Variants in SYNJ1 observed in about 807,000 individuals in gnomAD.
SYNJ1 encodes the protein synaptojanin 1, also known as polyphosphatidylinositol phosphatase SYNJ1.
Under a neutral mutation model 168.2 loss-of-function variants are expected in SYNJ1, and 78 were observed. That is an observed-to-expected ratio of 0.46 (90% CI 0.39 to 0.56). The LOEUF is 0.56. SYNJ1 is among the 20% of genes least tolerant of loss of function. The pLI is 0.00. For missense variants in SYNJ1, 1,303 were observed against 1,597.6 expected, an observed-to-expected ratio of 0.82 and a Z score of 3.14; for synonymous variants, 539 against 548.6, an observed-to-expected ratio of 0.98 and a Z score of 0.24.
chr21:32,693,259 G>A (rs1601442789), intron 6 of SYNJ1, among the ~76,000 whole-genome samples: 1 of 152,088 alleles, frequency 6.6e-6, no homozygotes, highest in Non-Finnish European at 1.5e-5. Context: ...GAGAAGTGGG[G>A]TTCTGTTGGC....
chr21:32,696,297 G>A lies in SYNJ1; in HGVS notation c.480-1015C>T, dbSNP rs554272487. On this transcript the variant is annotated intron_variant, in intron 4 of 32. Transcript: ENST00000674351. Reference sequence around the variant, plus strand: ...CGCTCCAAATACTTTTAGCATTCTAGGTAACAGATGTGGCCTGGTTTCCAA... The same window carrying A: ...CGCTCCAAATACTTTTAGCATTCTAAGTAACAGATGTGGCCTGGTTTCCAA... Among the ~76,000 whole-genome samples the A allele has an allele frequency of 1.6e-3, 247 of 152,282 alleles. 1 individual carries two copies. The highest frequency in any genetic ancestry group is 6.9e-3 in the Admixed American group (106 of 15,302).
intron 2 of SYNJ1, among the ~76,000 whole-genome samples, chr21:32,704,892 G>A (rs1167188538): frequency 2.6e-5 from 4 of 152,098 alleles, no homozygotes; most frequent in African/African-American, 7.2e-5. Context: ...GCTCACGTCT[G>A]TAATCCCAGC....
chr21:32,670,172 C>T (rs752500634), intron 15 of SYNJ1, 116 bp downstream of exon 15: 8 of 762,240 alleles, frequency 1.0e-5, no homozygotes, highest in South Asian at 2.1e-5. Flanking sequence ...TACAGTTTTA[C>T]GAGCACCCTT....
At chr21:32,652,739 G>A (rs760852013) in intron 22 of SYNJ1, among the ~76,000 whole-genome samples, 212 of 152,272 alleles carry the variant, frequency 1.4e-3, no homozygotes, top group Non-Finnish European at 2.4e-3. Flanking sequence ...GTAAGTTTCC[G>A]TCATCAATGA....
chr21:32,718,810 A>G (rs1383294772), intron 2 of SYNJ1, among the ~76,000 whole-genome samples: 69 of 152,332 alleles, frequency 4.5e-4, no homozygotes, highest in Non-Finnish European at 8.8e-5. Flanking sequence ...TTCTCCTCTA[A>G]TATATTAATA....
intron 2 of SYNJ1, among the ~76,000 whole-genome samples, chr21:32,712,603 C>T (rs2042868003): frequency 6.6e-6 from 1 of 151,716 alleles, no homozygotes; most frequent in Admixed American, 6.6e-5. Context: ...GCCTACCATG[C>T]ACCAGGCCCC....
At chr21:32,677,279 T>A (rs2041449309) in intron 12 of SYNJ1, among the ~76,000 whole-genome samples, 5 of 152,184 alleles carry the variant, frequency 3.3e-5, no homozygotes. Context: ...ATTTACCTAG[T>A]GTTGCTTCCC....
intron 14 of SYNJ1, 64 bp from the exon 15 acceptor site, chr21:32,670,436 A>T: frequency 8.5e-7 from 1 of 1,176,670 alleles, no homozygotes; most frequent in Admixed American, 1.9e-5. Context: ...ACCCCATCCA[A>T]CACAACATAA....
rs1039926624 is a variant in SYNJ1, at chr21:32,664,029, C to T, written c.2304+884G>A. 1.8e-4 allele frequency among the ~76,000 whole-genome samples: 28 copies of T among 152,236 alleles called. 1 individual carries two copies. The highest frequency in any genetic ancestry group is 2.9e-4 in the African/African-American group (12 of 41,532). On this transcript the variant is annotated intron_variant, in intron 18 of 32. Transcript: ENST00000674351. ...GTGCAAGTGTGGCATGGATTTGATC[C>T]GGGGGCCATGTTTGAAAAATGGTTC...
chr21:32,631,523 A>T lies in SYNJ1; in HGVS notation c.*282T>A. The T allele has an allele frequency of 6.2e-7, 1 of 1,614,140 alleles. No homozygotes were observed. Among genetic ancestry groups the T allele is most frequent in the Non-Finnish European group, 8.5e-7 (1 of 1,180,000 alleles). On this transcript the variant is annotated 3_prime_UTR_variant, in exon 33 of 33. Transcript: ENST00000674351. The stretch of plus-strand genomic sequence containing the variant: ...TGAAAGGATTTGTCCTGGTCAAGCC[A>T]GTAATAAATGGGTTTGGAGAACTTC...
intron 2 of SYNJ1, among the ~76,000 whole-genome samples, chr21:32,720,849 T>C (rs1165111523): frequency 6.6e-6 from 1 of 152,254 alleles, no homozygotes; most frequent in East Asian, 1.9e-4. Flanking sequence ...TTTTCTTTAC[T>C]CCATCTTCTA....
intron 10 of SYNJ1, among the ~76,000 whole-genome samples, chr21:32,682,393 CTT>C (rs1379667577): frequency 6.6e-6 from 1 of 152,166 alleles, no homozygotes; most frequent in African/African-American, 2.4e-5. Flanking sequence ...TGCATTTTAA[CTT>C]AACTCTTTCC....
chr21:32,642,164 T>C (rs752585473), intron 27 of SYNJ1, 31 bp from the exon 28 acceptor site: 4 of 1,613,252 alleles, frequency 2.5e-6, no homozygotes, highest in Admixed American at 1.7e-5. Context: ...AAAAAATTAG[T>C]TGTAAGTTAA....
At chr21:32,712,820 G>A (rs535053242) in intron 2 of SYNJ1, among the ~76,000 whole-genome samples, 47 of 152,282 alleles carry the variant, frequency 3.1e-4, no homozygotes, top group African/African-American at 8.7e-4. Flanking sequence ...CCTCACTGAG[G>A]AAGTGACCTT....
intron 2 of SYNJ1, among the ~76,000 whole-genome samples, chr21:32,724,960 T>C: frequency 6.6e-6 from 1 of 152,210 alleles, no homozygotes. Context: ...TAATATTCTT[T>C]CTCCTTAGAA....
At position 32,641,981 on chromosome 21, in the gene SYNJ1, T is replaced by G; in HGVS notation, c.3518-15A>C. The G allele has an allele frequency of 6.2e-7, 1 of 1,613,612 alleles. No individual in the cohort carries two copies. The highest frequency in any genetic ancestry group is 8.5e-7 in the Non-Finnish European group (1 of 1,179,894). ...CTGACTGCGTCCTGGAACAAAGACA[T>G]CATATCATATATTTAAGTTTAAAAA... On this transcript the variant is annotated splice_polypyrimidine_tract_variant and intron_variant, in intron 28 of 32. Transcript: ENST00000674351.
intron 15 of SYNJ1, among the ~76,000 whole-genome samples, chr21:32,669,055 T>G (rs147022222): frequency 3.9e-5 from 6 of 152,330 alleles, no homozygotes; most frequent in Non-Finnish European, 7.4e-5. Flanking sequence ...ATTGATTTTA[T>G]TAAAGCTCAA....
chr21:32,708,006 A>G (rs928555288), intron 2 of SYNJ1, among the ~76,000 whole-genome samples: 4 of 152,044 alleles, frequency 2.6e-5, no homozygotes, highest in Non-Finnish European at 4.4e-5. Flanking sequence ...ACACAGTGAG[A>G]CTCCGTCTCA....
chr21:32,640,548 G>C (rs1269168841), intron 29 of SYNJ1, among the ~76,000 whole-genome samples: 3 of 152,150 alleles, frequency 2.0e-5, no homozygotes, highest in Non-Finnish European at 4.4e-5. Context: ...ACCCGCCTCG[G>C]CCTCCCAAAG....
Sources: allele counts gnomAD v4.1 joint callset (sites outside exome capture counted in the v4.1 genomes callset), GRCh38; gene constraint gnomAD v4.1.1; transcripts MANE v1.5; gene names NCBI Gene and HGNC (gene_info 2026-07-23, HGNC 2026-07-21).